Variants in CAMKMT observed in about 807,000 individuals in gnomAD.
CAMKMT encodes calmodulin-lysine N-methyltransferase, also known as CaM KMT.
CAMKMT carries 53 observed loss-of-function variants against 48.0 expected under a neutral mutation model. That is an observed-to-expected ratio of 1.10 (90% CI 0.89 to 1.39). The LOEUF (loss-of-function observed/expected upper bound fraction) is 1.39, where lower values mean the gene tolerates loss of function less well. Among genes scored for constraint, CAMKMT ranks in the 40% most tolerant of loss-of-function variants. The pLI, the probability that CAMKMT is intolerant of heterozygous loss-of-function variation, is 0.00. For missense variants in CAMKMT, 428 were observed against 402.7 expected (o/e 1.06, Z -0.54); for synonymous variants, 165 against 152.3 (o/e 1.08, Z -0.61).
At chr2:44,558,911 T>C (rs908403548) in intron 3 of CAMKMT, among the ~76,000 whole-genome samples, 1 of 152,050 alleles carries the variant, frequency 6.6e-6, no homozygotes, top group African/African-American at 2.4e-5. Context: ...CAAACTTGAA[T>C]ACATACCCCC....
chr2:44,514,349 T>A (rs72879356), intron 3 of CAMKMT, among the ~76,000 whole-genome samples: 2,141 of 152,252 alleles, frequency 0.014, 38 homozygotes, highest in African/African-American at 0.043. Flanking sequence ...GAGAGGCTGA[T>A]AAAGAGGTGA....
chr2:44,599,151 T>A (rs1670837900), intron 3 of CAMKMT, among the ~76,000 whole-genome samples: 1 of 152,160 alleles, frequency 6.6e-6, no homozygotes, highest in Middle Eastern at 3.2e-3. Flanking sequence ...GGAAAAACAT[T>A]TAAACCTAAT....
Position 44,391,633 on chromosome 2 carries a change from T to A in CAMKMT, c.376+1328T>A, listed in dbSNP as rs571353437. On this transcript the variant is annotated intron_variant, in intron 3 of 10. Transcript: ENST00000378494. ...GAATGTTAAATGTGGAATTTTTGAT[T>A]CAGTAATGTAAAAGTCAAGTATTGT... 9.9e-5 allele frequency among the ~76,000 whole-genome samples: 15 copies of A among 152,236 alleles called. No homozygotes were observed. The South Asian group carries it at 1.7e-3, about 17-fold the overall frequency.
chr2:44,642,055 C>T (rs1011915457), intron 3 of CAMKMT, among the ~76,000 whole-genome samples: 1 of 152,184 alleles, frequency 6.6e-6, no homozygotes, highest in African/African-American at 2.4e-5. Flanking sequence ...TTCCAGACCT[C>T]TTACCTTATT....
At chr2:44,485,531 A>G (rs1481898174) in intron 3 of CAMKMT, among the ~76,000 whole-genome samples, 2 of 152,308 alleles carry the variant, frequency 1.3e-5, no homozygotes, top group South Asian at 2.1e-4. Context: ...TGCGAACATC[A>G]TAGAGTGTAC....
At position 44,540,179 on chromosome 2, in the gene CAMKMT, T is replaced by C. The variant is rs181446498; in HGVS notation, c.376+149874T>C. Reference sequence around the variant, plus strand: ...ATATACATATATATATATGTACATATGTTTTAGTATGGATTAATTGATTCC... The same window carrying C: ...ATATACATATATATATATGTACATACGTTTTAGTATGGATTAATTGATTCC... On this transcript the variant is annotated intron_variant, in intron 3 of 10. Transcript: ENST00000378494. Among the ~76,000 whole-genome samples, 79 of 152,040 alleles carry C rather than the reference T, an allele frequency of 5.2e-4. No homozygotes were observed. The East Asian group carries it at 0.013, about 26-fold the overall frequency.
intron 7 of CAMKMT, among the ~76,000 whole-genome samples, chr2:44,716,238 A>AC (rs946570403): frequency 5.3e-5 from 8 of 152,074 alleles, no homozygotes; most frequent in African/African-American, 1.9e-4. Flanking sequence ...ACACTTTCCC[A>AC]CCCCAACTTC....
chr2:44,625,729 C>T (rs567032309), intron 3 of CAMKMT, among the ~76,000 whole-genome samples: 18 of 151,902 alleles, frequency 1.2e-4, no homozygotes, highest in Admixed American at 7.2e-4. Flanking sequence ...TTTTCCGTAC[C>T]GATATCCAGT....
chr2:44,521,867 TAA>T (rs1205195769), intron 3 of CAMKMT, among the ~76,000 whole-genome samples: 1 of 151,236 alleles, frequency 6.6e-6, no homozygotes, highest in Non-Finnish European at 1.5e-5. Flanking sequence ...AAAATAAAAA[TAA>T]AAATAAAATA....
intron 7 of CAMKMT, chr2:44,723,601 T>A (rs1404611392): frequency 1.3e-5 from 1 of 75,380 alleles, no homozygotes; most frequent in African/African-American, 6.1e-5. Flanking sequence ...AATAAATAAA[T>A]ACATACATAA....
chr2:44,469,799 T>G (rs184962616), intron 3 of CAMKMT, among the ~76,000 whole-genome samples: 2 of 152,202 alleles, frequency 1.3e-5, no homozygotes, highest in East Asian at 3.9e-4. Flanking sequence ...TTTCATCTTC[T>G]ATTACTTTTA....
chr2:44,650,397 C>G (rs1276551549), intron 3 of CAMKMT, among the ~76,000 whole-genome samples: 1 of 152,044 alleles, frequency 6.6e-6, no homozygotes, highest in African/African-American at 2.4e-5. Context: ...CTGCAGTGAC[C>G]CTGTTTCCAA....
intron 3 of CAMKMT, chr2:44,676,814 T>C (rs1156400174): frequency 6.6e-6 from 1 of 152,234 alleles, no homozygotes; most frequent in Non-Finnish European, 1.5e-5. Context: ...TTATGAATAG[T>C]TCAGCACAAT....
At chr2:44,728,704 AGTT>A in intron 7 of CAMKMT, among the ~76,000 whole-genome samples, 1 of 152,000 alleles carries the variant, frequency 6.6e-6, no homozygotes, top group Non-Finnish European at 1.5e-5. Flanking sequence ...GTATGCATAG[AGTT>A]GTTCATAGTA....
At chr2:44,524,910 A>G (rs1259540607) in intron 3 of CAMKMT, among the ~76,000 whole-genome samples, 3 of 151,758 alleles carry the variant, frequency 2.0e-5, no homozygotes, top group African/African-American at 4.8e-5. Flanking sequence ...GCCTCCTAAG[A>G]TCTTTTGTTT....
intron 3 of CAMKMT, among the ~76,000 whole-genome samples, chr2:44,652,548 T>G (rs1414646396): frequency 6.6e-6 from 1 of 152,130 alleles, no homozygotes. Flanking sequence ...AATTCACTGG[T>G]CTGAATTTAC....
intron 8 of CAMKMT, among the ~76,000 whole-genome samples, chr2:44,753,578 G>C (rs1680246600): frequency 6.6e-6 from 1 of 152,150 alleles, no homozygotes; most frequent in South Asian, 2.1e-4. Flanking sequence ...TCTAACCTCA[G>C]TGCTGTTTCT....
intron 3 of CAMKMT, among the ~76,000 whole-genome samples, chr2:44,682,649 G>A (rs1189638531): frequency 6.6e-6 from 1 of 152,178 alleles, no homozygotes; most frequent in African/African-American, 2.4e-5. Context: ...GGCGGCAGAC[G>A]ACCGAGCTAT....
At chr2:44,635,764 G>C (rs1673095385) in intron 3 of CAMKMT, among the ~76,000 whole-genome samples, 1 of 152,130 alleles carries the variant, frequency 6.6e-6, no homozygotes, top group Non-Finnish European at 1.5e-5. Context: ...CTTAGAAGAG[G>C]TTAGCAATCT....
Sources: allele counts gnomAD v4.1 joint callset (sites outside exome capture counted in the v4.1 genomes callset), GRCh38; gene constraint gnomAD v4.1.1; transcripts MANE v1.5; gene names NCBI Gene and HGNC (gene_info 2026-07-23, HGNC 2026-07-21).